Variants in CPNE3 observed in about 807,000 individuals in gnomAD.
CPNE3 encodes the protein copine 3.
Under a neutral mutation model 63.9 loss-of-function variants are expected in CPNE3, and 68 were observed. The observed-to-expected ratio is 1.06, with a 90% CI of 0.87 to 1.30. The LOEUF is 1.30. Ranked by LOEUF, CPNE3 falls within the 50% of genes most tolerant of loss-of-function variation. The probability of loss-of-function intolerance (pLI) is 0.00; values close to 1 mark genes in which losing one functional copy is unlikely to be tolerated. For synonymous variants in CPNE3, 219 were observed against 197.5 expected, an observed-to-expected ratio of 1.11 and a Z score of -0.91; for missense variants, 665 against 578.1, an observed-to-expected ratio of 1.15 and a Z score of -1.54.
rs967124331 is a variant in CPNE3, at chr8:86,561,027, G to A, written c.*2617G>A. 1.3e-5 allele frequency: 2 copies of A among 152,170 alleles called. No individual in the cohort carries two copies. The highest frequency in any genetic ancestry group is 4.8e-5 in the African/African-American group (2 of 41,430). 9.4% of individuals were successfully genotyped at this position (152,170 alleles called of 1,614,324 possible). The stretch of plus-strand genomic sequence containing the variant: ...GTCACCTAACCTTGTGGTTAGAATT[G>A]CAATTTTAAGACCAGAAAAATTTGA... On this transcript the variant is annotated 3_prime_UTR_variant, in exon 17 of 17. Transcript: ENST00000517490.
intron 15 of CPNE3, among the ~76,000 whole-genome samples, chr8:86,555,752 A>C (rs775731451): frequency 1.3e-5 from 2 of 152,160 alleles, no homozygotes; most frequent in Non-Finnish European, 2.9e-5. Context: ...ATCTTCTGAG[A>C]ATGAAGTTTC....
chr8:86,520,740 A>C (rs1324356133), intron 2 of CPNE3, among the ~76,000 whole-genome samples: 1 of 147,824 alleles, frequency 6.8e-6, no homozygotes, highest in Non-Finnish European at 1.5e-5. Context: ...GCTCACTGCA[A>C]CCTCTACCTC....
intron 8 of CPNE3, among the ~76,000 whole-genome samples, chr8:86,541,561 G>T (rs1820939431): frequency 2.0e-5 from 3 of 151,972 alleles, no homozygotes; most frequent in Non-Finnish European, 2.9e-5. Flanking sequence ...AAAATGAGCT[G>T]GGTGTGGTGG....
rs1390108342 is a variant in CPNE3 at position 86,561,406 on chromosome 8, T to C, written c.*2996T>C. On this transcript the variant is annotated 3_prime_UTR_variant, in exon 17 of 17. Coordinates refer to ENST00000517490, the MANE Select transcript of CPNE3 (RefSeq NM_003909.5). ...ATTCCTTTTGGATAAAGTTATTTCT[T>C]GATGTGACAGAGTAGTGTGTTTTCA... 1 of 152,234 alleles carries C rather than the reference T, an allele frequency of 6.6e-6. No individual in the cohort carries two copies. The highest frequency in any genetic ancestry group is 1.5e-5 in the Non-Finnish European group (1 of 68,044). 9.4% of individuals were successfully genotyped at this position (152,234 alleles called of 1,614,324 possible). A position where few individuals can be genotyped will look rare whatever the true frequency, so the allele number is the denominator to read the frequency against.
intron 8 of CPNE3, among the ~76,000 whole-genome samples, chr8:86,543,273 AT>A (rs1820980765): frequency 6.6e-6 from 1 of 152,170 alleles, no homozygotes; most frequent in South Asian, 2.1e-4. Context: ...TCTTAAAAAA[AT>A]AAAATCCCTT....
At position 86,531,175 on chromosome 8, in the gene CPNE3, A is replaced by G; in HGVS notation, c.333A>G (p.Leu111=). The G allele has an allele frequency of 7.8e-7, 1 of 1,276,928 alleles. No individual in the cohort carries two copies. Among genetic ancestry groups the G allele is most frequent in the Non-Finnish European group, 1.1e-6 (1 of 872,008 alleles). The allele number at this position is 1,276,928 out of a possible 1,614,324, so 79.1% of individuals were successfully genotyped here. Residue 111 remains leucine, a synonymous_variant, in exon 5 of 17, where the codon CTA becomes CTG. Transcript: ENST00000517490. The stretch of plus-strand genomic sequence containing the variant: ...AACAGATTGTTTCCAGCAAGAAGCT[A>G]ACTCGACCACTGGTGATGAAAACTG... ...TLGQIVSSKK[L]TRPLVMKTGR... is the part of the protein sequence containing the mutation.
chr8:86,532,142 G>C (rs576981659), intron 5 of CPNE3, among the ~76,000 whole-genome samples: 1 of 152,266 alleles, frequency 6.6e-6, no homozygotes. Context: ...TCAATGTATA[G>C]AGTATTCTAG....
chr8:86,533,993 A>G (rs1820745043), intron 6 of CPNE3, among the ~76,000 whole-genome samples: 1 of 152,012 alleles, frequency 6.6e-6, no homozygotes, highest in African/African-American at 2.4e-5. Flanking sequence ...GGCACAGGTG[A>G]TGCACACCTG....
intron 10 of CPNE3, 97 bp from the exon 11 acceptor site, chr8:86,547,614 G>T (rs746628003): frequency 2.9e-6 from 2 of 696,812 alleles, no homozygotes; most frequent in East Asian, 5.4e-5. Flanking sequence ...ATCATGTCCT[G>T]TTCAATTTAC....
chr8:86,543,874 C>G (rs982383354), intron 8 of CPNE3, among the ~76,000 whole-genome samples: 2 of 152,044 alleles, frequency 1.3e-5, no homozygotes, highest in Non-Finnish European at 2.9e-5. Context: ...TTCAGCTTCC[C>G]TTGAACACTT....
chr8:86,519,141 A>G (rs1330498785), intron 2 of CPNE3, among the ~76,000 whole-genome samples: 3 of 152,260 alleles, frequency 2.0e-5, no homozygotes, highest in African/African-American at 7.2e-5. Context: ...ATGGACTTGA[A>G]AATACAATCA....
chr8:86,527,100 A>C lies in CPNE3; in HGVS notation c.-10-1436A>C, dbSNP rs146870171. ...CTGCCATATTTAAATATAACAAGAT[A>C]ATGAGTGGATTTGTTTCTGTGGTCC... is the stretch of plus-strand genomic sequence containing the variant. On this transcript the variant is annotated intron_variant, in intron 2 of 16. Coordinates refer to ENST00000517490, the MANE Select transcript of CPNE3 (RefSeq NM_003909.5). Among the ~76,000 whole-genome samples, 592 of 152,322 alleles carry C rather than the reference A, an allele frequency of 3.9e-3. 4 individuals carry two copies. Among genetic ancestry groups the C allele is most frequent in the African/African-American group, 0.013 (561 of 41,568 alleles).
chr8:86,555,471 A>G (rs917262422), intron 15 of CPNE3, among the ~76,000 whole-genome samples: 1 of 152,216 alleles, frequency 6.6e-6, no homozygotes, highest in African/African-American at 2.4e-5. Context: ...GATAATTCAT[A>G]TAAAGTACAC....
intron 2 of CPNE3, among the ~76,000 whole-genome samples, chr8:86,522,612 C>A (rs1456851141): frequency 8.0e-6 from 1 of 124,962 alleles, no homozygotes; most frequent in Non-Finnish European, 1.6e-5. Context: ...CTGAGCAACA[C>A]AATTTGAGAA....
At chr8:86,550,934 G>A in intron 12 of CPNE3, 112 bp from the exon 13 acceptor site, 1 of 1,086,160 alleles carries the variant, frequency 9.2e-7, no homozygotes, top group Non-Finnish European at 1.3e-6. Context: ...GGTAATCTTT[G>A]TTTTATCTTC....
At chr8:86,548,615 C>T (rs895807424) in intron 12 of CPNE3, among the ~76,000 whole-genome samples, 181 bp downstream of exon 12, 3 of 152,076 alleles carry the variant, frequency 2.0e-5, no homozygotes, top group African/African-American at 7.2e-5. Context: ...CCTTAGATCT[C>T]TAATATCTTT....
At chr8:86,542,683 G>C (rs77055619) in intron 8 of CPNE3, among the ~76,000 whole-genome samples, 216 of 151,660 alleles carry the variant, frequency 1.4e-3, no homozygotes, top group East Asian at 6.4e-3. Flanking sequence ...CAATAATACT[G>C]GTCTTTGAAT....
chr8:86,519,828 C>T (rs555394427), intron 2 of CPNE3, among the ~76,000 whole-genome samples: 1 of 152,348 alleles, frequency 6.6e-6, no homozygotes, highest in African/African-American at 2.4e-5. Context: ...ATTCTCCTGC[C>T]TCAGCCTCCC....
rs548891493 is a variant in CPNE3, at chr8:86,558,064, GA to G, written c.1492-219del. ...CATCAAATGTTAGAATGCTGGCACCGAAAAAGGACTTGACAAATGTTAGCAG... is the reference window on the plus strand; with the variant it reads ...CATCAAATGTTAGAATGCTGGCACCGAAAAGGACTTGACAAATGTTAGCAG... On this transcript the variant is annotated intron_variant, in intron 16 of 16. Transcript: ENST00000517490. Among the ~76,000 whole-genome samples the G allele has an allele frequency of 3.1e-3, 475 of 152,242 alleles. 1 individual carries two copies. The highest frequency in any genetic ancestry group is 0.011 in the African/African-American group (445 of 41,536).
Sources: gnomAD v4.1 joint callset for allele counts (sites outside exome capture counted in the v4.1 genomes callset) on GRCh38, gnomAD v4.1.1 for gene constraint, MANE v1.5 for transcripts, NCBI Gene and HGNC (gene_info 2026-07-23, HGNC 2026-07-21) for gene names.